Variants in TSNAXIP1 observed in about 807,000 individuals in gnomAD.
TSNAXIP1 encodes the protein translin-associated factor X-interacting protein 1.
A neutral mutation model predicts 84.8 loss-of-function variants in TSNAXIP1; 89 were observed. The ratio of observed to expected loss-of-function variants is 1.05; its 90% CI spans 0.88 to 1.25. The LOEUF (loss-of-function observed/expected upper bound fraction) is 1.25. Ranked by LOEUF, TSNAXIP1 falls within the 50% of genes most tolerant of loss-of-function variation. TSNAXIP1 has a pLI of 0.00. For synonymous variants in TSNAXIP1, 347 were observed against 335.2 expected, an observed-to-expected ratio of 1.04 and a Z score of -0.39; for missense variants, 874 against 887.6, an observed-to-expected ratio of 0.98 and a Z score of 0.20.
intron 2 of TSNAXIP1, 24 bp from the exon 3 acceptor site, chr16:67,820,815 A>G (rs762670337): frequency 1.3e-6 from 2 of 1,484,854 alleles, no homozygotes; most frequent in South Asian, 2.8e-5. Context: ...TTGCCATGGC[A>G]ACCCCACCTG....
In TSNAXIP1 at chr16:67,807,054, G is replaced by C. The variant is rs555403160; in HGVS notation, c.-96G>C. The C allele has an allele frequency of 6.8e-7, 1 of 1,480,754 alleles. No individual in the cohort carries two copies. Among genetic ancestry groups the C allele is most frequent in the Non-Finnish European group, 8.9e-7 (1 of 1,120,038 alleles). The allele number at this position is 1,480,754 out of a possible 1,614,324, so 91.7% of individuals were successfully genotyped here. A position where few individuals can be genotyped will look rare whatever the true frequency, so the allele number is the denominator to read the frequency against. ...GCATCCCTGACTCCGCCCCCGCCGCGGGGGGGCCTCTGGGGCCTGGTCGCC... is the reference window on the plus strand; with the variant it reads ...GCATCCCTGACTCCGCCCCCGCCGCCGGGGGGCCTCTGGGGCCTGGTCGCC... On this transcript the variant is annotated 5_prime_UTR_variant, in exon 1 of 16. Transcript: ENST00000561639.
intron 2 of TSNAXIP1, among the ~76,000 whole-genome samples, chr16:67,819,880 G>T (rs1258682040): frequency 6.8e-6 from 1 of 146,562 alleles, no homozygotes; most frequent in Non-Finnish European, 1.5e-5. Flanking sequence ...GTGCAGTGGC[G>T]CAATCTTGGC....
At position 67,826,274 on chromosome 16, in the gene TSNAXIP1, C is replaced by G. The variant is rs748621972; in HGVS notation, c.1267C>G (p.Pro423Ala). ...GCTGCTGCGGGAGAAAGACTTCTTCCCTGGTCTGGTAGGGGAGGCCCCAGG... is the reference window on the plus strand; with the variant it reads ...GCTGCTGCGGGAGAAAGACTTCTTCGCTGGTCTGGTAGGGGAGGCCCCAGG... ...SGLLREKDFF[P>A]GLGYGEAIPA... The change falls in exon 10 of 16, where the codon CCT becomes GCT. Residue 423 changes from proline to alanine, a missense_variant. Coordinates refer to ENST00000561639, the MANE Select transcript of TSNAXIP1 (RefSeq NM_001288990.3). The G allele has an allele frequency of 6.3e-7, 1 of 1,578,858 alleles. No homozygotes were observed. Among genetic ancestry groups the G allele is most frequent in the African/African-American group, 1.3e-5 (1 of 74,256 alleles).
At position 67,825,268 on chromosome 16, in the gene TSNAXIP1, G is replaced by A. The variant is rs199530154; in HGVS notation, c.810G>A (p.Ser270=). The A allele has an allele frequency of 1.3e-3, 2,124 of 1,613,900 alleles. 1 individual carries two copies. Among genetic ancestry groups the A allele is most frequent in the Non-Finnish European group, 1.6e-3 (1,897 of 1,179,914 alleles). The change falls in exon 7 of 16, where the codon TCG becomes TCA. Residue 270 remains serine, a synonymous_variant. Transcript: ENST00000561639. ...YQREDMSLAQ[S]PGIWGEDPVK... ...GGGAGGACATGTCATTAGCCCAGTC[G>A]CCAGGTAAGCCTGAATTGGGAATCG...
intron 1 of TSNAXIP1, among the ~76,000 whole-genome samples, chr16:67,812,890 C>A (rs2056220333): frequency 6.6e-6 from 1 of 152,114 alleles, no homozygotes; most frequent in Non-Finnish European, 1.5e-5. Flanking sequence ...GGATTACAGG[C>A]ATGAGCTACC....
At chr16:67,822,785 C>T (rs543123239) in intron 4 of TSNAXIP1, among the ~76,000 whole-genome samples, 3 of 152,318 alleles carry the variant, frequency 2.0e-5, no homozygotes, top group African/African-American at 7.2e-5. Flanking sequence ...AGGAAGAAAG[C>T]ATACCACTAT....
rs199838825 is a variant in TSNAXIP1 at position 67,828,013 on chromosome 16, G to A, written c.*20G>A. On this transcript the variant is annotated 3_prime_UTR_variant, in exon 16 of 16. Transcript: ENST00000561639. ...AGCTAGGAACTTGTGGGCAGCCTGC[G>A]TACTCCAGTCCTGCTAACCCCTAGC... The A allele has an allele frequency of 2.0e-4, 317 of 1,610,758 alleles. No individual in the cohort carries two copies. The highest frequency in any genetic ancestry group is 1.4e-4 in the Non-Finnish European group (166 of 1,178,758).
In TSNAXIP1 at chr16:67,806,991, T is replaced by G. The variant is rs1337052139; in HGVS notation, c.-159T>G. ...CCAGTCCACCTTTGCTACTTTGTCC[T>G]ACTCCCAGCCCGCGGGCGCTAGGCT... On this transcript the variant is annotated 5_prime_UTR_variant, in exon 1 of 16. Coordinates refer to ENST00000561639, the MANE Select transcript of TSNAXIP1 (RefSeq NM_001288990.3). 1 of 1,224,120 alleles carries G rather than the reference T, an allele frequency of 8.2e-7. No individual in the cohort carries two copies. The highest frequency in any genetic ancestry group is 1.1e-6 in the Non-Finnish European group (1 of 905,780). The allele number at this position is 1,224,120 out of a possible 1,614,324, so 75.8% of individuals were successfully genotyped here.
At chr16:67,825,059 C>G in intron 6 of TSNAXIP1, 78 bp from the exon 7 acceptor site, 1 of 1,559,740 alleles carries the variant, frequency 6.4e-7, no homozygotes, top group Non-Finnish European at 8.7e-7. Context: ...CCCCAGAACC[C>G]AGCCCACTCC....
At position 67,814,302 on chromosome 16, in the gene TSNAXIP1, A is replaced by T; in HGVS notation, c.48A>T (p.Arg16Ser). 6.5e-7 allele frequency: 1 copy of T among 1,535,804 alleles called. No homozygotes were observed. Among genetic ancestry groups the T allele is most frequent in the Non-Finnish European group, 8.7e-7 (1 of 1,146,684 alleles). Reference protein sequence around the residue: ...SRYHSFSSASRLQPRPSGVTI... With the variant: ...SRYHSFSSASSLQPRPSGVTI... ...CATCAGCTTTCCCTTCTCTGTGCAG[A>T]TTACAGCCACGGCCTTCAGGAGTGA... The change falls in exon 2 of 16, where the codon AGA becomes AGT. Residue 16 changes from arginine to serine, a missense_variant and splice_region_variant. By Grantham distance (110) the Arg-to-Ser change is moderately radical. Transcript: ENST00000561639.
At chr16:67,813,120 C>T (rs1459922428) in intron 1 of TSNAXIP1, among the ~76,000 whole-genome samples, 1 of 152,192 alleles carries the variant, frequency 6.6e-6, no homozygotes. Context: ...GTCGCGGTGG[C>T]TTACGCCTGT....
chr16:67,818,703 C>CT lies in TSNAXIP1; in HGVS notation c.148-2118dup, dbSNP rs910240626. ...GTGGGCAACATAGTGAGACCCCATC[C>CT]TTTTTTTTTTTTTTTTTTGAGACAG... is the stretch of plus-strand genomic sequence containing the variant. On this transcript the variant is annotated intron_variant, in intron 2 of 15. Transcript: ENST00000561639. 8.9e-3 allele frequency among the ~76,000 whole-genome samples: 1,201 copies of CT among 135,536 alleles called. 8 individuals are homozygous for CT. Among genetic ancestry groups the CT allele is most frequent in the South Asian group, 0.016 (69 of 4,206 alleles). The allele number at this position is 135,536 out of a possible 152,430, so 88.9% of individuals were successfully genotyped here. A position where few individuals can be genotyped will look rare whatever the true frequency, so the allele number is the denominator to read the frequency against.
chr16:67,822,635 C>T (rs1239779667), intron 4 of TSNAXIP1, among the ~76,000 whole-genome samples: 7 of 152,104 alleles, frequency 4.6e-5, no homozygotes, highest in Non-Finnish European at 4.4e-5. Flanking sequence ...GAGAGAATCA[C>T]CAAATCTGCT....
chr16:67,822,911 C>T (rs760209340), intron 4 of TSNAXIP1, among the ~76,000 whole-genome samples: 4 of 152,194 alleles, frequency 2.6e-5, no homozygotes, highest in Non-Finnish European at 5.9e-5. Context: ...GAAGACCACA[C>T]CCCTACTTGC....
Position 67,826,288 on chromosome 16 carries a change from G to A in TSNAXIP1, c.1275+6G>A. The A allele has an allele frequency of 6.3e-7, 1 of 1,575,296 alleles. No individual in the cohort carries two copies. Among genetic ancestry groups the A allele is most frequent in the East Asian group, 2.2e-5 (1 of 44,472 alleles). ...AAGACTTCTTCCCTGGTCTGGTAGG[G>A]GAGGCCCCAGGAGTGGGGCTTGGGC... On this transcript the variant is annotated splice_donor_region_variant and intron_variant, in intron 10 of 15. Coordinates refer to ENST00000561639, the MANE Select transcript of TSNAXIP1 (RefSeq NM_001288990.3).
chr16:67,811,886 A>T (rs1467923136), intron 1 of TSNAXIP1, among the ~76,000 whole-genome samples: 3 of 152,102 alleles, frequency 2.0e-5, no homozygotes, highest in Non-Finnish European at 4.4e-5. Context: ...CGACTGCTTA[A>T]TCCATATGTT....
At chr16:67,820,741 CAAA>C in intron 2 of TSNAXIP1, 95 bp from the exon 3 acceptor site, 2 of 748,802 alleles carry the variant, frequency 2.7e-6, no homozygotes, top group South Asian at 2.4e-5. Context: ...AAGACTGTCT[CAAA>C]AAAAAAAAGT....
chr16:67,820,038 T>G (rs2056913356), intron 2 of TSNAXIP1, among the ~76,000 whole-genome samples: 1 of 151,944 alleles, frequency 6.6e-6, no homozygotes, highest in Non-Finnish European at 1.5e-5. Context: ...CAGGATGGTC[T>G]CGATCTCCTG....
At chr16:67,825,857 C>T (rs769663020) in intron 8 of TSNAXIP1, 21 bp downstream of exon 8, 3 of 1,614,060 alleles carry the variant, frequency 1.9e-6, no homozygotes, top group East Asian at 2.2e-5. Flanking sequence ...GCAGGCAGGG[C>T]CAGGAGGGTA....
Sources: allele counts gnomAD v4.1 joint callset (sites outside exome capture counted in the v4.1 genomes callset), GRCh38; gene constraint gnomAD v4.1.1; transcripts MANE v1.5; gene names NCBI Gene and HGNC (gene_info 2026-07-23, HGNC 2026-07-21).